The following COLGALT2 variants were observed in gnomAD, a reference collection of about 807,000 sequenced individuals.
The protein encoded by COLGALT2 is collagen beta(1-O)galactosyltransferase 2.
Under a neutral mutation model 73.4 loss-of-function variants are expected in COLGALT2, and 49 were observed. That is an observed-to-expected ratio of 0.67 (90% CI 0.53 to 0.85). The LOEUF is 0.85. Among genes scored for constraint, COLGALT2 ranks in the 40% least tolerant of loss-of-function variants. The probability of loss-of-function intolerance (pLI) is 0.00; values close to 1 mark genes in which losing one functional copy is unlikely to be tolerated. For missense variants in COLGALT2, 722 were observed against 790.2 expected, an observed-to-expected ratio of 0.91 and a Z score of 1.03; for synonymous variants, 295 against 307.6, an observed-to-expected ratio of 0.96 and a Z score of 0.43.
chr1:184,002,265 G>C (rs1307231179), intron 1 of COLGALT2, among the ~76,000 whole-genome samples: 1 of 152,158 alleles, frequency 6.6e-6, no homozygotes, highest in African/African-American at 2.4e-5. Context: ...GACTACTGCT[G>C]TCAGGTGACA....
intron 1 of COLGALT2, among the ~76,000 whole-genome samples, chr1:184,036,735 G>GA (rs1454236006): frequency 1.3e-5 from 2 of 152,220 alleles, no homozygotes; most frequent in Admixed American, 6.5e-5. Flanking sequence ...ATGAGGTGGG[G>GA]AAAGAGGAAA....
intron 1 of COLGALT2, among the ~76,000 whole-genome samples, chr1:184,016,063 G>C (rs1363796847): frequency 1.1e-4 from 17 of 152,108 alleles, no homozygotes. Context: ...GGTTTCTGAG[G>C]CCATACACAG....
At chr1:184,028,983 G>A (rs1316527831) in intron 1 of COLGALT2, among the ~76,000 whole-genome samples, 3 of 152,176 alleles carry the variant, frequency 2.0e-5, no homozygotes, top group Non-Finnish European at 2.9e-5. Context: ...TACAAAGTCA[G>A]CCCTAGCAAG....
intron 1 of COLGALT2, among the ~76,000 whole-genome samples, chr1:184,032,288 GAAAGGT>G (rs1355032878): frequency 6.6e-6 from 1 of 152,124 alleles, no homozygotes; most frequent in Admixed American, 6.6e-5. Flanking sequence ...TCTTGATTTT[GAAAGGT>G]AAAGGTAAAG....
chr1:184,026,112 G>A (rs1196233699), intron 1 of COLGALT2, among the ~76,000 whole-genome samples: 1 of 152,192 alleles, frequency 6.6e-6, no homozygotes, highest in Non-Finnish European at 1.5e-5. Flanking sequence ...AAGCAGCCTA[G>A]CATGAGCAAT....
rs145846850 is a variant in COLGALT2, at chr1:183,940,685, G to A, written c.1500C>T (p.Tyr500=). Residue 500 remains tyrosine (Y), a synonymous_variant, in exon 11 of 12, where the codon TAC becomes TAT. Coordinates refer to ENST00000361927, the MANE Select transcript of COLGALT2 (RefSeq NM_015101.4). ...EADYSYWTLG[Y]VISLEGAQKL... is the part of the protein sequence containing the mutation. Reference sequence around the variant, plus strand: ...TCTGTGCTCCTTCCAGAGAGATGACGTAGCCCAGGGTCCAGTAGGAATAGT... The same window carrying A: ...TCTGTGCTCCTTCCAGAGAGATGACATAGCCCAGGGTCCAGTAGGAATAGT... 5,467 of 1,614,168 alleles carry A rather than the reference G, an allele frequency of 3.4e-3. 16 individuals are homozygous for A. The highest frequency in any genetic ancestry group is 0.014 in the Middle Eastern group (87 of 6,062).
intron 6 of COLGALT2, among the ~76,000 whole-genome samples, chr1:183,955,872 C>T (rs1670542388): frequency 6.6e-6 from 1 of 152,212 alleles, no homozygotes; most frequent in African/African-American, 2.4e-5. Flanking sequence ...GGAATACACT[C>T]TCTTGCCCTT....
At chr1:183,980,762 G>C (rs2986562) in intron 1 of COLGALT2, among the ~76,000 whole-genome samples, 95,311 of 151,486 alleles carry the variant, frequency 0.63, 31,879 homozygotes, top group Non-Finnish European at 0.76. Context: ...CACACACACA[G>C]GCACACAACT....
downstream of COLGALT2, among the ~76,000 whole-genome samples, chr1:183,934,683 C>G (rs1178873118): frequency 6.6e-6 from 1 of 152,152 alleles, no homozygotes; most frequent in Non-Finnish European, 1.5e-5. Context: ...GCAAGAATGT[C>G]TCAAAAGCAC....
intron 1 of COLGALT2, among the ~76,000 whole-genome samples, chr1:183,988,831 T>C (rs2102828165): frequency 6.6e-6 from 1 of 152,322 alleles, no homozygotes; most frequent in Non-Finnish European, 1.5e-5. Flanking sequence ...AACATATGGT[T>C]TCATTTACCC....
intron 5 of COLGALT2, 40 bp downstream of exon 5, chr1:183,969,229 G>C (rs774801332): frequency 4.0e-6 from 6 of 1,489,930 alleles, no homozygotes; most frequent in African/African-American, 1.4e-5. Flanking sequence ...TCATTTTGCT[G>C]TGTCTCCATT....
chr1:183,992,061 A>G (rs1445702821), intron 1 of COLGALT2, among the ~76,000 whole-genome samples: 1 of 151,864 alleles, frequency 6.6e-6, no homozygotes, highest in Non-Finnish European at 1.5e-5. Flanking sequence ...GTGAGAGCAA[A>G]CCTCAGCTAA....
chr1:184,030,245 C>T (rs1649465248), intron 1 of COLGALT2, among the ~76,000 whole-genome samples: 3 of 152,106 alleles, frequency 2.0e-5, no homozygotes, highest in Admixed American at 2.0e-4. Flanking sequence ...ATTAAATGAA[C>T]AAGTCACTCT....
At position 183,994,189 on chromosome 1, in the gene COLGALT2, C is replaced by T. The variant is rs549952258; in HGVS notation, c.264-15669G>A. Among the ~76,000 whole-genome samples, 12 of 151,498 alleles carry T rather than the reference C, an allele frequency of 7.9e-5. No homozygotes were observed. The South Asian group carries it at 2.5e-3, about 32-fold the overall frequency. ...AAGTAGCTGGGACTACAGGCACCCGCCACCACACTCTACTAATTTTTTGTA... is the reference window on the plus strand; with the variant it reads ...AAGTAGCTGGGACTACAGGCACCCGTCACCACACTCTACTAATTTTTTGTA... On this transcript the variant is annotated intron_variant, in intron 1 of 11. Transcript: ENST00000361927.
chr1:183,942,797 C>G (rs1446699247), intron 10 of COLGALT2, among the ~76,000 whole-genome samples: 3 of 152,184 alleles, frequency 2.0e-5, no homozygotes, highest in African/African-American at 7.2e-5. Flanking sequence ...TTTCCTGTAT[C>G]CTTATCAAGA....
Position 183,969,351 on chromosome 1 carries a change from C to T in COLGALT2, c.750G>A (p.Lys250=). Residue 250 remains lysine (K), a synonymous_variant, in exon 5 of 12, where the codon AAG becomes AAA. Coordinates refer to ENST00000361927, the MANE Select transcript of COLGALT2 (RefSeq NM_015101.4). ...LIDLRKEASD[K]LTFYPPHQDY... is the part of the protein sequence containing the mutation. ...CCTGGTGTGGGGGGTAGAAAGTCAG[C>T]TTGTCCGAGGCCTCCTTCCTGAGGT... The T allele has an allele frequency of 1.2e-6, 2 of 1,613,706 alleles. No individual in the cohort carries two copies. The highest frequency in any genetic ancestry group is 2.2e-5 in the East Asian group (1 of 44,850).
At chr1:183,930,443 G>C (rs902181183) in intron 11 of COLGALT2, among the ~76,000 whole-genome samples, 1 of 151,938 alleles carries the variant, frequency 6.6e-6, no homozygotes, top group African/African-American at 2.4e-5. Flanking sequence ...ACCCAGGCTG[G>C]AGTGGCGCAA....
chr1:183,998,418 T>C (rs1671826679), intron 1 of COLGALT2, among the ~76,000 whole-genome samples: 1 of 152,252 alleles, frequency 6.6e-6, no homozygotes. Context: ...TGTCGGTTGG[T>C]TGATTCTCAA....
chr1:184,000,818 GC>G (rs908072429), intron 1 of COLGALT2, among the ~76,000 whole-genome samples: 3 of 147,748 alleles, frequency 2.0e-5, no homozygotes, highest in East Asian at 2.1e-4. Context: ...GTGTATTTCA[GC>G]CCCCCATTTT....
Sources: allele counts gnomAD v4.1 joint callset (sites outside exome capture counted in the v4.1 genomes callset), GRCh38; gene constraint gnomAD v4.1.1; transcripts MANE v1.5; gene names NCBI Gene and HGNC (gene_info 2026-07-23, HGNC 2026-07-21).